KLHL1: variants seen among roughly 807,000 people sequenced by gnomAD.
KLHL1 encodes the protein kelch-like protein 1.
KLHL1 carries 47 observed loss-of-function variants against 77.7 expected under a neutral mutation model. The observed-to-expected ratio is 0.60, with a 90% CI of 0.48 to 0.77. The LOEUF is 0.77. Among genes scored for constraint, KLHL1 ranks in the 30% least tolerant of loss-of-function variants. The pLI is 0.00. For synonymous variants in KLHL1, 360 were observed against 325.2 expected (o/e 1.11, Z -1.15); for missense variants, 925 against 910.8 (o/e 1.02, Z -0.20).
intron 1 of KLHL1, among the ~76,000 whole-genome samples, chr13:70,099,925 C>T (rs1887884586): frequency 6.6e-6 from 1 of 151,872 alleles, no homozygotes; most frequent in South Asian, 2.1e-4. Flanking sequence ...TTATATAGCA[C>T]TATCTTGATT....
chr13:70,107,181 G>A (rs1888082434), intron 1 of KLHL1, 22 bp downstream of exon 1: 2 of 1,557,502 alleles, frequency 1.3e-6, no homozygotes, highest in Non-Finnish European at 1.7e-6. Context: ...ATGCTTGGAA[G>A]CCCCGTGGGG....
intron 1 of KLHL1, among the ~76,000 whole-genome samples, chr13:70,062,421 G>A (rs1886913459): frequency 1.3e-5 from 2 of 152,046 alleles, no homozygotes; most frequent in Non-Finnish European, 1.5e-5. Context: ...ATAAATATTT[G>A]AGCTAGAAAT....
intron 4 of KLHL1, among the ~76,000 whole-genome samples, chr13:69,897,475 G>A (rs1881688617): frequency 6.6e-6 from 1 of 152,216 alleles, no homozygotes; most frequent in African/African-American, 2.4e-5. Flanking sequence ...AGAACACTTA[G>A]AGATTGATCT....
At chr13:69,767,172 A>C (rs931026252) in intron 7 of KLHL1, among the ~76,000 whole-genome samples, 1 of 152,298 alleles carries the variant, frequency 6.6e-6, no homozygotes, top group Middle Eastern at 3.4e-3. Context: ...TAAAAGACAG[A>C]TATATTAGCG....
intron 5 of KLHL1, among the ~76,000 whole-genome samples, chr13:69,858,203 A>G (rs1879996302): frequency 1.3e-5 from 2 of 152,032 alleles, no homozygotes; most frequent in African/African-American, 2.4e-5. Context: ...GAAGAAAAAC[A>G]TCTCCATCCA....
At chr13:69,909,915 T>A (rs1190509759) in intron 4 of KLHL1, among the ~76,000 whole-genome samples, 4 of 152,144 alleles carry the variant, frequency 2.6e-5, no homozygotes, top group Non-Finnish European at 5.9e-5. Context: ...CGTGGAGTCC[T>A]CCTTAAGTTC....
At chr13:70,038,492 A>T (rs55705420) in intron 1 of KLHL1, among the ~76,000 whole-genome samples, 1 of 151,678 alleles carries the variant, frequency 6.6e-6, no homozygotes, top group South Asian at 2.1e-4. Flanking sequence ...ATTATTTTCC[A>T]GAGTGGTTGT....
At chr13:69,905,986 T>C (rs956265563) in intron 4 of KLHL1, among the ~76,000 whole-genome samples, 22 of 152,042 alleles carry the variant, frequency 1.4e-4, no homozygotes, top group Admixed American at 1.2e-3. Flanking sequence ...TGCTAATCAA[T>C]TGATGTCCCC....
chr13:69,730,641 C>T (rs1335275060), intron 8 of KLHL1, among the ~76,000 whole-genome samples: 4 of 152,006 alleles, frequency 2.6e-5, no homozygotes, highest in African/African-American at 7.2e-5. Context: ...GTGGCATGAT[C>T]ACAGCTCACT....
At chr13:69,801,732 T>A (rs781235001) in intron 6 of KLHL1, among the ~76,000 whole-genome samples, 5 of 152,186 alleles carry the variant, frequency 3.3e-5, no homozygotes, top group Admixed American at 6.6e-5. Flanking sequence ...TATGTCCAAT[T>A]TTATAAACTT....
chr13:69,778,947 C>T lies in KLHL1; in HGVS notation c.1639+17791G>A, dbSNP rs373152793. Among the ~76,000 whole-genome samples, 44 of 151,746 alleles carry T rather than the reference C, an allele frequency of 2.9e-4. 1 individual carries two copies. Among genetic ancestry groups the T allele is most frequent in the East Asian group, 1.6e-3 (8 of 5,116 alleles). ...CCGAGTAGTTGGGACTACAGGCACA[C>T]GCCACCATACCCAGATTATTTTTTG... On this transcript the variant is annotated intron_variant, in intron 7 of 10. Transcript: ENST00000377844.
At position 69,979,854 on chromosome 13, in the gene KLHL1, C is replaced by T. The variant is rs549700963; in HGVS notation, c.498-4052G>A. Among the ~76,000 whole-genome samples, 3 of 152,310 alleles carry T rather than the reference C, an allele frequency of 2.0e-5. No homozygotes were observed. The East Asian group carries it at 5.8e-4, about 29-fold the overall frequency. On this transcript the variant is annotated intron_variant, in intron 1 of 10. Transcript: ENST00000377844. ...TAAAATTGTTTTGATCTCTTGAACT[C>T]CTCAAACCATAGCTATACTATTCTA... is the stretch of plus-strand genomic sequence containing the variant.
intron 1 of KLHL1, among the ~76,000 whole-genome samples, chr13:70,078,091 T>C (rs990572200): frequency 3.3e-5 from 5 of 151,988 alleles, no homozygotes; most frequent in African/African-American, 1.2e-4. Flanking sequence ...GCATTAGTTT[T>C]ACCTGGCCTT....
intron 1 of KLHL1, among the ~76,000 whole-genome samples, chr13:70,084,624 T>TTTTTTC: frequency 1.2e-5 from 1 of 85,340 alleles, no homozygotes; most frequent in South Asian, 3.5e-4. Flanking sequence ...ACGCCAGGCT[T>TTTTTTC]TTTTTTTTTT....
At chr13:69,743,717 C>G (rs1284368765) in intron 7 of KLHL1, among the ~76,000 whole-genome samples, 3 of 150,272 alleles carry the variant, frequency 2.0e-5, no homozygotes, top group Non-Finnish European at 4.4e-5. Flanking sequence ...ACCTGGGAGG[C>G]AGAGGTTGCA....
intron 1 of KLHL1, among the ~76,000 whole-genome samples, chr13:69,985,141 C>T (rs946013665): frequency 6.6e-6 from 1 of 151,758 alleles, no homozygotes; most frequent in African/African-American, 2.4e-5. Flanking sequence ...ACAACAACAA[C>T]AACAAAAAAC....
chr13:70,066,303 C>CT (rs151181958), intron 1 of KLHL1, among the ~76,000 whole-genome samples: 2,092 of 152,236 alleles, frequency 0.014, 28 homozygotes, highest in South Asian at 0.022. Flanking sequence ...GAGAGATTTA[C>CT]TTTTTTAAAA....
chr13:69,892,516 T>C (rs1881459468), intron 4 of KLHL1, among the ~76,000 whole-genome samples: 1 of 152,184 alleles, frequency 6.6e-6, no homozygotes, highest in Non-Finnish European at 1.5e-5. Context: ...GAATCTACTT[T>C]GATCTGTAAG....
chr13:69,978,282 A>T (rs1400271850), intron 1 of KLHL1, among the ~76,000 whole-genome samples: 1 of 151,620 alleles, frequency 6.6e-6, no homozygotes, highest in African/African-American at 2.4e-5. Flanking sequence ...TAGGCTGCCA[A>T]ATGGACCAAA....
Sources: gnomAD v4.1 joint callset for allele counts (sites outside exome capture counted in the v4.1 genomes callset) on GRCh38, gnomAD v4.1.1 for gene constraint, MANE v1.5 for transcripts, NCBI Gene and HGNC (gene_info 2026-07-23, HGNC 2026-07-21) for gene names.